The following GDF5 variants were observed in gnomAD, a reference collection of about 807,000 sequenced individuals.
The protein encoded by GDF5 is growth/differentiation factor 5.
Under a neutral mutation model 34.6 loss-of-function variants are expected in GDF5, and 17 were observed. The observed-to-expected ratio is 0.49, with a 90% confidence interval of 0.34 to 0.74. GDF5 has a LOEUF of 0.74. Among genes scored for constraint, GDF5 ranks in the 30% least tolerant of loss-of-function variants. The pLI is 0.01. For synonymous variants in GDF5, 332 were observed against 290.7 expected (o/e 1.14, Z -1.44); for missense variants, 616 against 661.2 (o/e 0.93, Z 0.75).
Position 35,451,051 on chromosome 20 carries a change from A to T in GDF5, c.-398+3589T>A, listed in dbSNP as rs772949403. Among the ~76,000 whole-genome samples the T allele has an allele frequency of 0.014, 544 of 38,620 alleles. 58 individuals are homozygous for T. In the East Asian group the frequency reaches 0.3, roughly 21 times the overall value. The allele number at this position is 38,620 out of a possible 152,430, so 25.3% of individuals were successfully genotyped here. On this transcript the variant is annotated intron_variant, in intron 1 of 3. Transcript: ENST00000374372. ...AGATTTTAGACTAACAGAAAAAAAAAAAAAAAAAAAAAAATATATATATAT... is the reference window on the plus strand; with the variant it reads ...AGATTTTAGACTAACAGAAAAAAAATAAAAAAAAAAAAAATATATATATAT...
At chr20:35,447,060 T>A (rs935156146) in intron 1 of GDF5, among the ~76,000 whole-genome samples, 2 of 152,136 alleles carry the variant, frequency 1.3e-5, no homozygotes, top group East Asian at 1.9e-4. Flanking sequence ...TTTTTTAAAA[T>A]TTTTTTATTA....
chr20:35,435,623 A>C (rs868781796), intron 1 of GDF5, among the ~76,000 whole-genome samples: 3 of 152,086 alleles, frequency 2.0e-5, no homozygotes, highest in Non-Finnish European at 2.9e-5. Context: ...TGAGGCACAG[A>C]GATGGGGAGT....
At chr20:35,451,051 A>ATATATATATATATATATATATAT (rs1483469021) in intron 1 of GDF5, among the ~76,000 whole-genome samples, 1 of 38,652 alleles carries the variant, frequency 2.6e-5, no homozygotes, top group African/African-American at 1.3e-4. Flanking sequence ...AGAAAAAAAA[A>ATATATATATATATATATATATAT]AAAAAAAAAA....
At chr20:35,448,750 C>A (rs2062521979) in intron 1 of GDF5, among the ~76,000 whole-genome samples, 1 of 152,000 alleles carries the variant, frequency 6.6e-6, no homozygotes. Flanking sequence ...GACCAAGGGC[C>A]CATTTTTGAG....
At chr20:35,441,454 CTTTTTTTTT>C (rs1215410831), upstream of GDF5, 2 of 132,654 alleles carry the variant, frequency 1.5e-5, no homozygotes, top group Admixed American at 1.5e-4. Context: ...TTAATGATAG[CTTTTTTTTT>C]TTTTTTTTTT....
At chr20:35,451,582 C>CT (rs750856510) in intron 1 of GDF5, among the ~76,000 whole-genome samples, 1,620 of 131,550 alleles carry the variant, frequency 0.012, 14 homozygotes, top group African/African-American at 0.036. Flanking sequence ...TTTTTTTTTC[C>CT]TTTTTTTTTT....
chr20:35,452,525 T>C (rs556535084), intron 1 of GDF5, among the ~76,000 whole-genome samples: 41 of 152,256 alleles, frequency 2.7e-4, no homozygotes, highest in African/African-American at 9.6e-4. Flanking sequence ...CGGGTTCAAG[T>C]GATTCTCCTG....
Position 35,437,367 on chromosome 20 carries a change from C to G in GDF5, c.562G>C (p.Gly188Arg), listed in dbSNP as rs750759545. Residue 188 changes from glycine (G) to arginine (R), a missense_variant, in exon 1 of 2, where the codon GGC becomes CGC. Physicochemically the swap from Gly to Arg is moderately radical, Grantham distance 125 (BLOSUM62 -2). Transcript: ENST00000374369. ...GCCTCCAACTTCACGCTGCTGTTGC[C>G]TCCCTTTCTGTCAGCATCGGACAGC... ...RTLSDADRKG[G>R]NSSVKLEAGL... 3 of 1,612,966 alleles carry G rather than the reference C, an allele frequency of 1.9e-6. No homozygotes were observed. Among genetic ancestry groups the G allele is most frequent in the Non-Finnish European group, 2.5e-6 (3 of 1,179,142 alleles).
chr20:35,440,135 T>C (rs2062493255), upstream of GDF5, among the ~76,000 whole-genome samples: 1 of 151,572 alleles, frequency 6.6e-6, no homozygotes. Flanking sequence ...CAGTCTGGTC[T>C]CGAGCTCCTG....
chr20:35,448,448 C>CTTTTTTTTTTTT (rs34209210), intron 1 of GDF5, among the ~76,000 whole-genome samples: 4 of 86,762 alleles, frequency 4.6e-5, no homozygotes, highest in African/African-American at 1.5e-4. Context: ...GCCCCCCCGA[C>CTTTTTTTTTTTT]TTTTTTTTTT....
upstream of GDF5, among the ~76,000 whole-genome samples, chr20:35,443,059 C>T (rs937580541): frequency 1.3e-5 from 2 of 152,000 alleles, no homozygotes; most frequent in Non-Finnish European, 2.9e-5. Context: ...GGAGGAGTCT[C>T]GAGGCCAGGG....
At chr20:35,435,252 A>C (rs1601072275) in intron 1 of GDF5, 1 of 278,980 alleles carries the variant, frequency 3.6e-6, no homozygotes, top group East Asian at 7.9e-5. Flanking sequence ...GGAGTTCGAA[A>C]CCAGCCTGCA....
intron 1 of GDF5, among the ~76,000 whole-genome samples, chr20:35,444,310 T>A (rs1488230668): frequency 6.6e-6 from 1 of 152,190 alleles, no homozygotes; most frequent in Non-Finnish European, 1.5e-5. Context: ...GTGTCTATTT[T>A]AGCAAGGAAT....
intron 1 of GDF5, chr20:35,435,110 A>G: frequency 1.7e-6 from 1 of 598,814 alleles, no homozygotes; most frequent in Non-Finnish European, 3.0e-6. Flanking sequence ...CCCAGCCATG[A>G]GCTAACGTGA....
intron 1 of GDF5, among the ~76,000 whole-genome samples, chr20:35,445,593 A>G (rs1430001272): frequency 6.6e-6 from 1 of 151,576 alleles, no homozygotes; most frequent in Non-Finnish European, 1.5e-5. Context: ...GAACCCAGGA[A>G]GCGGAGGTTG....
At chr20:35,454,238 G>T in intron 1 of GDF5, 1 of 333,970 alleles carries the variant, frequency 3.0e-6, no homozygotes, top group South Asian at 2.3e-5. Flanking sequence ...AGGATCACGA[G>T]GTCAAGAGAG....
rs747277301 is a variant in GDF5, at chr20:35,434,767, C to A, written c.648G>T (p.Val216=). Residue 216 remains valine (V), a synonymous_variant, in exon 2 of 2, where the codon GTG becomes GTT. Coordinates refer to ENST00000374369, the MANE Select transcript of GDF5 (RefSeq NM_000557.5). ...CAAACACGTACCTCTGCTTCCTGACCACGGGACCTCGGTCATCTAGAGAGA... is the reference window on the plus strand; with the variant it reads ...CAAACACGTACCTCTGCTTCCTGACAACGGGACCTCGGTCATCTAGAGAGA... ...IDKGQDDRGP[V]VRKQRYVFDI... 6.2e-7 allele frequency: 1 copy of A among 1,611,414 alleles called. No individual in the cohort carries two copies. Among genetic ancestry groups the A allele is most frequent in the Non-Finnish European group, 8.5e-7 (1 of 1,179,966 alleles).
chr20:35,434,873 C>A, intron 1 of GDF5, 90 bp from the exon 2 acceptor site: 1 of 1,343,828 alleles, frequency 7.4e-7, no homozygotes, highest in Non-Finnish European at 1.1e-6. Flanking sequence ...AGCTCTCTCC[C>A]AGTCCAGAGA....
At chr20:35,442,149 C>CT (rs886681768), upstream of GDF5, among the ~76,000 whole-genome samples, 3 of 151,868 alleles carry the variant, frequency 2.0e-5, no homozygotes, top group African/African-American at 7.3e-5. Flanking sequence ...CCGAAAGTAA[C>CT]TTTTTTTATT....
Sources: allele counts gnomAD v4.1 joint callset (sites outside exome capture counted in the v4.1 genomes callset), GRCh38; gene constraint gnomAD v4.1.1; transcripts MANE v1.5; gene names NCBI Gene and HGNC (gene_info 2026-07-23, HGNC 2026-07-21).